DLC1: variants seen among roughly 807,000 people sequenced by gnomAD.
DLC1 encodes DLC1 Rho GTPase activating protein.
In DLC1, 54 loss-of-function variants were observed where a neutral mutation model predicts 140.3. The observed-to-expected ratio is 0.38, with a 90% CI of 0.31 to 0.48. The LOEUF (loss-of-function observed/expected upper bound fraction) is 0.48. Ranked by LOEUF, DLC1 falls within the 20% of genes least tolerant of loss-of-function variation. The pLI, the probability that DLC1 is intolerant of heterozygous loss-of-function variation, is 0.96. For synonymous variants in DLC1, 986 were observed against 728.1 expected (o/e 1.35, Z -5.70); for missense variants, 2,536 against 1,907.0 (o/e 1.33, Z -6.14).
intron 4 of DLC1, among the ~76,000 whole-genome samples, chr8:13,352,508 A>G (rs1163446187): frequency 6.6e-6 from 1 of 151,908 alleles, no homozygotes; most frequent in Admixed American, 6.6e-5. Flanking sequence ...CGGCCTCGCA[A>G]GTAGCTGGGA....
intron 1 of DLC1, among the ~76,000 whole-genome samples, chr8:13,560,905 C>A (rs1413949275): frequency 6.6e-6 from 1 of 151,996 alleles, no homozygotes; most frequent in African/African-American, 2.4e-5. Flanking sequence ...TCAGAAGGAA[C>A]CAACCCTACT....
intron 15 of DLC1, 107 bp downstream of exon 15, chr8:13,090,145 T>C: frequency 9.4e-7 from 1 of 1,065,450 alleles, no homozygotes; most frequent in South Asian, 1.6e-5. Flanking sequence ...AGGGAGGTTG[T>C]GGGCTACAGA....
chr8:13,491,569 C>G (rs1419122259), intron 2 of DLC1, among the ~76,000 whole-genome samples: 1 of 152,184 alleles, frequency 6.6e-6, no homozygotes, highest in Non-Finnish European at 1.5e-5. Context: ...TCTCTGGATA[C>G]AACTAAGTAT....
intron 4 of DLC1, among the ~76,000 whole-genome samples, chr8:13,384,709 G>C (rs1013348780): frequency 3.9e-5 from 6 of 152,076 alleles, no homozygotes; most frequent in South Asian, 2.1e-4. Context: ...CAGAACCATA[G>C]ACCCGGGCTA....
rs553462595 is a variant in DLC1 at position 13,362,068 on chromosome 8, C to A, written c.1314+31485G>T. ...CACTAAACTTGAGAAAACAGCAGAA[C>A]TTTCCAGCCTCAGGCTCTGAAGGAG... On this transcript the variant is annotated intron_variant, in intron 4 of 17. Transcript: ENST00000276297. Among the ~76,000 whole-genome samples, 5 of 152,330 alleles carry A rather than the reference C, an allele frequency of 3.3e-5. No individual in the cohort carries two copies. The South Asian group carries it at 1.0e-3, about 32-fold the overall frequency.
chr8:13,349,172 G>T (rs567432362), intron 4 of DLC1, among the ~76,000 whole-genome samples: 1 of 152,242 alleles, frequency 6.6e-6, no homozygotes, highest in South Asian at 2.1e-4. Context: ...AGGATGAGGT[G>T]CAATGGGGGA....
chr8:13,226,943 T>C (rs112653796), intron 5 of DLC1, among the ~76,000 whole-genome samples: 6,215 of 152,190 alleles, frequency 0.041, 451 homozygotes, highest in African/African-American at 0.14. Flanking sequence ...GGAACCACCA[T>C]GGACTGATAC....
chr8:13,366,006 G>A (rs1308718715), intron 4 of DLC1, among the ~76,000 whole-genome samples: 1 of 152,208 alleles, frequency 6.6e-6, no homozygotes, highest in Non-Finnish European at 1.5e-5. Context: ...TTTAGAAGGT[G>A]AAGTGGGAAA....
chr8:13,167,851 C>T (rs888280155), intron 5 of DLC1, among the ~76,000 whole-genome samples: 2 of 152,192 alleles, frequency 1.3e-5, no homozygotes, highest in Admixed American at 6.5e-5. Flanking sequence ...TTTTATTAAA[C>T]CGCAATTTAA....
intron 4 of DLC1, among the ~76,000 whole-genome samples, chr8:13,315,426 T>G (rs1032472023): frequency 6.6e-6 from 1 of 152,230 alleles, no homozygotes; most frequent in African/African-American, 2.4e-5. Flanking sequence ...TGAGGACAAA[T>G]GCTTGGGCAG....
chr8:13,232,938 A>G (rs1585968920), intron 5 of DLC1, among the ~76,000 whole-genome samples: 1 of 152,226 alleles, frequency 6.6e-6, no homozygotes, highest in African/African-American at 2.4e-5. Flanking sequence ...TGACTAATCA[A>G]TAACATTTTT....
At chr8:13,601,651 A>C (rs551661397) in intron 1 of DLC1, among the ~76,000 whole-genome samples, 58 of 151,842 alleles carry the variant, frequency 3.8e-4, no homozygotes, top group South Asian at 1.9e-3. Context: ...TAGACAAAAA[A>C]AAAACAAAAC....
intron 1 of DLC1, chr8:13,567,632 T>A: frequency 1.3e-6 from 2 of 1,551,636 alleles, no homozygotes; most frequent in Non-Finnish European, 1.7e-6. Flanking sequence ...CTGTCTGCCT[T>A]TCTGAAACAA....
intron 4 of DLC1, among the ~76,000 whole-genome samples, chr8:13,311,655 C>G (rs1832668474): frequency 6.6e-6 from 1 of 152,136 alleles, no homozygotes; most frequent in Non-Finnish European, 1.5e-5. Context: ...TTTTTGTAGA[C>G]TGAAATTATA....
intron 1 of DLC1, chr8:13,568,117 A>T (rs1384201285): frequency 3.9e-6 from 3 of 769,320 alleles, no homozygotes; most frequent in Non-Finnish European, 5.9e-6. Flanking sequence ...TGGAATAGTT[A>T]TAAAAACTTT....
chr8:13,500,671 C>A (rs930850961), intron 1 of DLC1, among the ~76,000 whole-genome samples: 8 of 152,148 alleles, frequency 5.3e-5, no homozygotes, highest in Admixed American at 5.2e-4. Flanking sequence ...ATAGAGACAG[C>A]ATGTGTAATG....
At chr8:13,567,554 A>C in intron 1 of DLC1, 1 of 1,551,812 alleles carries the variant, frequency 6.4e-7, no homozygotes, top group East Asian at 2.4e-5. Flanking sequence ...CCAAAACAGG[A>C]GGCAGCAGCT....
intron 2 of DLC1, among the ~76,000 whole-genome samples, chr8:13,477,738 T>C (rs1800501329): frequency 6.6e-6 from 1 of 152,102 alleles, no homozygotes; most frequent in Admixed American, 6.6e-5. Flanking sequence ...AGACGAGAAA[T>C]GAAGACACAT....
intron 2 of DLC1, among the ~76,000 whole-genome samples, chr8:13,492,798 TTGG>T (rs1234295502): frequency 6.6e-6 from 1 of 152,230 alleles, no homozygotes; most frequent in Non-Finnish European, 1.5e-5. Flanking sequence ...GCATTTCAAG[TTGG>T]TTTTAGGAGA....
Sources: allele counts gnomAD v4.1 joint callset (sites outside exome capture counted in the v4.1 genomes callset), GRCh38; gene constraint gnomAD v4.1.1; transcripts MANE v1.5; gene names NCBI Gene and HGNC (gene_info 2026-07-23, HGNC 2026-07-21).